Variants in CRPPA observed in about 807,000 individuals in gnomAD.
CRPPA encodes D-ribitol-5-phosphate cytidylyltransferase.
In CRPPA, 43 loss-of-function variants were observed where a neutral mutation model predicts 52.0. The ratio of observed to expected loss-of-function variants is 0.83; its 90% CI spans 0.65 to 1.07. The LOEUF is 1.07. CRPPA is among the 50% of genes least tolerant of loss of function. CRPPA has a pLI of 0.00. For missense variants in CRPPA, 629 were observed against 551.7 expected, an observed-to-expected ratio of 1.14 and a Z score of -1.40; for synonymous variants, 250 against 203.5, an observed-to-expected ratio of 1.23 and a Z score of -1.94.
intron 9 of CRPPA, among the ~76,000 whole-genome samples, chr7:16,208,334 A>G (rs946867619): frequency 5.3e-5 from 8 of 152,202 alleles, no homozygotes; most frequent in African/African-American, 1.7e-4. Context: ...TAAAGCTCCA[A>G]TCTCCTCTAT....
chr7:16,323,170 T>C lies in CRPPA; in HGVS notation c.685-14543A>G, dbSNP rs994102726. 2.0e-5 allele frequency among the ~76,000 whole-genome samples: 3 copies of C among 152,190 alleles called. No individual in the cohort carries two copies. The South Asian group carries it at 6.2e-4, about 32-fold the overall frequency. ...GAAAACTTCATTTTTAATTCACAAG[T>C]CTCCAGATAAAGAGATGCTGAGCAT... On this transcript the variant is annotated intron_variant, in intron 3 of 9. Coordinates refer to ENST00000407010, the MANE Select transcript of CRPPA (RefSeq NM_001101426.4).
intron 8 of CRPPA, among the ~76,000 whole-genome samples, chr7:16,226,347 T>G (rs537039807): frequency 1.7e-4 from 26 of 152,026 alleles, no homozygotes; most frequent in Middle Eastern, 3.4e-3. Context: ...TTACAGTGCT[T>G]CCAATGAAAA....
At chr7:16,335,815 A>T (rs1442816967) in intron 3 of CRPPA, among the ~76,000 whole-genome samples, 1 of 152,186 alleles carries the variant, frequency 6.6e-6, no homozygotes, top group Non-Finnish European at 1.5e-5. Context: ...ATTTGCCAAG[A>T]CACATCTTAA....
rs1231547462 is a variant in CRPPA, at chr7:16,286,056, T to A, written c.836-7830A>T. ...AAAAAAAAATATAAATATATATATA[T>A]ATATATATATATATATATATATATA... On this transcript the variant is annotated intron_variant, in intron 5 of 9. Transcript: ENST00000407010. 1.7e-3 allele frequency among the ~76,000 whole-genome samples: 37 copies of A among 21,628 alleles called. 2 individuals are homozygous for A. Among genetic ancestry groups the A allele is most frequent in the South Asian group, 6.1e-3 (8 of 1,304 alleles). 14.2% of individuals were successfully genotyped at this position (21,628 alleles called of 152,430 possible).
intron 5 of CRPPA, among the ~76,000 whole-genome samples, chr7:16,294,101 A>G (rs1045542901): frequency 4.6e-5 from 7 of 151,814 alleles, no homozygotes; most frequent in Non-Finnish European, 7.4e-5. Flanking sequence ...TTTTCTTTTC[A>G]AAGTATATAT....
At chr7:16,157,879 T>C (rs1281904796) in intron 9 of CRPPA, among the ~76,000 whole-genome samples, 1 of 151,862 alleles carries the variant, frequency 6.6e-6, no homozygotes, top group African/African-American at 2.4e-5. Flanking sequence ...TTTCTTTTTT[T>C]TTTTATTTTT....
At chr7:16,369,274 G>A (rs538528994) in intron 3 of CRPPA, among the ~76,000 whole-genome samples, 4 of 152,316 alleles carry the variant, frequency 2.6e-5, no homozygotes, top group Admixed American at 6.5e-5. Context: ...AGCAAGCAGG[G>A]GGTACATGAC....
chr7:16,144,920 C>T (rs1357082157), intron 9 of CRPPA, among the ~76,000 whole-genome samples: 2 of 152,144 alleles, frequency 1.3e-5, no homozygotes, highest in Non-Finnish European at 2.9e-5. Flanking sequence ...GGGACAGACT[C>T]GGCAGTGATA....
At chr7:16,100,308 T>C (rs1178562272) in intron 9 of CRPPA, among the ~76,000 whole-genome samples, 3 of 152,226 alleles carry the variant, frequency 2.0e-5, no homozygotes, top group Non-Finnish European at 4.4e-5. Flanking sequence ...ATTTATGTTA[T>C]CATAGTTTTT....
intron 9 of CRPPA, among the ~76,000 whole-genome samples, chr7:16,128,915 T>C (rs879282117): frequency 6.6e-6 from 1 of 152,170 alleles, no homozygotes; most frequent in Non-Finnish European, 1.5e-5. Flanking sequence ...TTATTTTTAC[T>C]TCATGATTAA....
chr7:16,418,198 A>T (rs1788240876), intron 1 of CRPPA, among the ~76,000 whole-genome samples: 1 of 152,136 alleles, frequency 6.6e-6, no homozygotes, highest in Non-Finnish European at 1.5e-5. Flanking sequence ...CAAGCTTTCT[A>T]AGGACTTCCT....
At chr7:16,193,175 C>G (rs937393615) in intron 9 of CRPPA, among the ~76,000 whole-genome samples, 1 of 152,046 alleles carries the variant, frequency 6.6e-6, no homozygotes, top group Non-Finnish European at 1.5e-5. Flanking sequence ...ACATGATATA[C>G]GTATCCATTT....
Position 16,355,429 on chromosome 7 carries a change from T to A in CRPPA, c.684+20663A>T, listed in dbSNP as rs183514648. 1.6e-4 allele frequency among the ~76,000 whole-genome samples: 24 copies of A among 152,340 alleles called. No individual in the cohort carries two copies. The East Asian group carries it at 4.5e-3, about 28-fold the overall frequency. On this transcript the variant is annotated intron_variant, in intron 3 of 9. Coordinates refer to ENST00000407010, the MANE Select transcript of CRPPA (RefSeq NM_001101426.4). ...CATGTACTTTAACTGCATCATTCCA[T>A]CAGTACAGTCTGTTCTGGTTGTTCA... is the stretch of plus-strand genomic sequence containing the variant.
At chr7:16,341,180 A>C (rs1378360934) in intron 3 of CRPPA, among the ~76,000 whole-genome samples, 1 of 152,158 alleles carries the variant, frequency 6.6e-6, no homozygotes, top group East Asian at 1.9e-4. Flanking sequence ...TGTCATTATA[A>C]CATTAGTTCA....
chr7:16,334,767 C>A (rs1405875087), intron 3 of CRPPA, among the ~76,000 whole-genome samples: 1 of 152,160 alleles, frequency 6.6e-6, no homozygotes, highest in Non-Finnish European at 1.5e-5. Flanking sequence ...ATTAGAGAAG[C>A]TGACACCAAG....
At chr7:16,216,454 G>A (rs1338912707) in intron 8 of CRPPA, 3 of 331,834 alleles carry the variant, frequency 9.0e-6, no homozygotes, top group Non-Finnish European at 1.7e-5. Flanking sequence ...TGGCCGAGTA[G>A]GAACAGCTCC....
At chr7:16,374,725 G>A (rs926033670) in intron 3 of CRPPA, among the ~76,000 whole-genome samples, 1 of 151,898 alleles carries the variant, frequency 6.6e-6, no homozygotes, top group African/African-American at 2.4e-5. Context: ...TACCACTAAT[G>A]CAGTAGGTCC....
At chr7:16,399,745 T>A (rs1391300110) in intron 2 of CRPPA, among the ~76,000 whole-genome samples, 1 of 152,032 alleles carries the variant, frequency 6.6e-6, no homozygotes, top group African/African-American at 2.4e-5. Flanking sequence ...GACATGTAAC[T>A]GACACGTTTC....
At chr7:16,283,546 C>A (rs1583490813) in intron 5 of CRPPA, among the ~76,000 whole-genome samples, 1 of 149,988 alleles carries the variant, frequency 6.7e-6, no homozygotes, top group African/African-American at 2.4e-5. Context: ...TATAGATATA[C>A]TATATATGTG....
Sources: gnomAD v4.1 joint callset for allele counts (sites outside exome capture counted in the v4.1 genomes callset) on GRCh38, gnomAD v4.1.1 for gene constraint, MANE v1.5 for transcripts, NCBI Gene and HGNC (gene_info 2026-07-23, HGNC 2026-07-21) for gene names.